The following RBFOX1 variants were observed in gnomAD, a reference collection of about 807,000 sequenced individuals.
RBFOX1 encodes the protein RNA binding protein fox-1 homolog 1.
In RBFOX1, 8 loss-of-function variants were observed where a neutral mutation model predicts 57.7. The observed-to-expected ratio is 0.14, with a 90% CI of 0.08 to 0.25. The LOEUF (loss-of-function observed/expected upper bound fraction) is 0.25. Ranked by LOEUF, RBFOX1 falls within the 10% of genes least tolerant of loss-of-function variation. RBFOX1 has a pLI of 1.00. For missense variants in RBFOX1, 611 were observed against 548.5 expected (o/e 1.11, Z -1.14); for synonymous variants, 326 against 222.4 (o/e 1.47, Z -4.15).
At chr16:6,082,290 C>T (rs1022438763) in intron 1 of RBFOX1, among the ~76,000 whole-genome samples, 1 of 145,582 alleles carries the variant, frequency 6.9e-6, no homozygotes, top group Non-Finnish European at 1.5e-5. Context: ...AAGCGATTCT[C>T]CTGCCTCAGC....
chr16:6,959,631 G>T (rs1382055442), intron 3 of RBFOX1, among the ~76,000 whole-genome samples: 14 of 152,126 alleles, frequency 9.2e-5, no homozygotes, highest in Admixed American at 9.2e-4. Flanking sequence ...TGACTGAGTG[G>T]TTACGTTAAA....
intron 1 of RBFOX1, among the ~76,000 whole-genome samples, chr16:5,438,162 A>G (rs1173241877): frequency 6.6e-6 from 1 of 152,212 alleles, no homozygotes; most frequent in Non-Finnish European, 1.5e-5. Context: ...CACAGGGGAT[A>G]TTAAAGAAAC....
chr16:7,013,281 C>T (rs2093738177), intron 3 of RBFOX1, among the ~76,000 whole-genome samples: 1 of 152,080 alleles, frequency 6.6e-6, no homozygotes, highest in Non-Finnish European at 1.5e-5. Context: ...TGAGGTAATT[C>T]AATGAAGTAA....
chr16:6,318,046 G>C (rs939985598), intron 2 of RBFOX1, among the ~76,000 whole-genome samples: 4 of 152,110 alleles, frequency 2.6e-5, no homozygotes, highest in Non-Finnish European at 5.9e-5. Flanking sequence ...CTGATCAAAG[G>C]GAATTCTTTT....
At chr16:7,588,426 A>G (rs1452180332) in intron 7 of RBFOX1, among the ~76,000 whole-genome samples, 4 of 152,234 alleles carry the variant, frequency 2.6e-5, no homozygotes. Flanking sequence ...CATGAGGCCT[A>G]TAAGCAGACA....
At chr16:6,350,603 T>A (rs911302903) in intron 2 of RBFOX1, among the ~76,000 whole-genome samples, 37 of 151,822 alleles carry the variant, frequency 2.4e-4, no homozygotes, top group African/African-American at 8.7e-4. Flanking sequence ...AACAATGGCA[T>A]CCATACATCT....
chr16:7,566,453 G>C (rs1377631998), intron 5 of RBFOX1, among the ~76,000 whole-genome samples: 2 of 152,154 alleles, frequency 1.3e-5, no homozygotes, highest in African/African-American at 2.4e-5. Flanking sequence ...ACCTTGAAAG[G>C]CCATTCAGGA....
At chr16:7,707,606 G>A (rs1022256818) in intron 14 of RBFOX1, among the ~76,000 whole-genome samples, 4 of 152,166 alleles carry the variant, frequency 2.6e-5, no homozygotes, top group African/African-American at 7.2e-5. Flanking sequence ...GTTGCTAACA[G>A]TACAGCTGTT....
chr16:6,236,907 C>G (rs1312939284), intron 1 of RBFOX1, among the ~76,000 whole-genome samples: 1 of 152,136 alleles, frequency 6.6e-6, no homozygotes, highest in Non-Finnish European at 1.5e-5. Flanking sequence ...TGCCCAAGGT[C>G]ACACAGTGGC....
intron 4 of RBFOX1, among the ~76,000 whole-genome samples, chr16:7,252,474 G>C (rs950357451): frequency 8.5e-5 from 13 of 152,128 alleles, no homozygotes; most frequent in African/African-American, 2.9e-4. Context: ...TTCATCGTCA[G>C]CACTGAAGTA....
At chr16:7,399,123 T>A (rs540017899) in intron 4 of RBFOX1, among the ~76,000 whole-genome samples, 1 of 152,248 alleles carries the variant, frequency 6.6e-6, no homozygotes, top group South Asian at 2.1e-4. Context: ...TACCCCCGAA[T>A]CCAACATGAA....
intron 1 of RBFOX1, among the ~76,000 whole-genome samples, chr16:5,419,233 G>T (rs149065051): frequency 6.6e-6 from 1 of 152,258 alleles, no homozygotes; most frequent in East Asian, 1.9e-4. Context: ...TGACTCACAC[G>T]ATCACAAGTT....
chr16:6,461,077 G>A (rs1229507218), intron 2 of RBFOX1, among the ~76,000 whole-genome samples: 1 of 152,010 alleles, frequency 6.6e-6, no homozygotes, highest in Admixed American at 6.6e-5. Flanking sequence ...CACAGAGAGG[G>A]GAACAACACT....
chr16:6,043,142 A>G (rs1169932942), intron 1 of RBFOX1, among the ~76,000 whole-genome samples: 14 of 97,728 alleles, frequency 1.4e-4, no homozygotes, highest in African/African-American at 4.3e-4. Context: ...AAAAAAAAAA[A>G]AAAAAAAAAA....
chr16:7,260,873 G>C (rs1048876735), intron 4 of RBFOX1, among the ~76,000 whole-genome samples: 1 of 152,190 alleles, frequency 6.6e-6, no homozygotes, highest in Non-Finnish European at 1.5e-5. Flanking sequence ...CTAATTAAGA[G>C]CTGGGGGAGT....
At chr16:6,508,879 A>T (rs905053471) in intron 2 of RBFOX1, among the ~76,000 whole-genome samples, 1 of 152,184 alleles carries the variant, frequency 6.6e-6, no homozygotes, top group African/African-American at 2.4e-5. Flanking sequence ...CAAAAAAAAA[A>T]AAATAAAGAT....
At chr16:5,394,565 C>CTTTT (rs35758196) in intron 1 of RBFOX1, among the ~76,000 whole-genome samples, 1 of 134,270 alleles carries the variant, frequency 7.4e-6, no homozygotes, top group African/African-American at 2.8e-5. Flanking sequence ...TTCTTTCTGT[C>CTTTT]TTTTTTTTTT....
Position 6,447,318 on chromosome 16 carries a change from G to A in RBFOX1, c.-64+130261G>A, listed in dbSNP as rs192003587. ...TGGAAATGCCATCTTGTTAGCTACCGGATAATTTAGTAATCATGGCCTAAC... is the reference window on the plus strand; with the variant it reads ...TGGAAATGCCATCTTGTTAGCTACCAGATAATTTAGTAATCATGGCCTAAC... On this transcript the variant is annotated intron_variant, in intron 2 of 15. Coordinates refer to ENST00000550418, the MANE Select transcript of RBFOX1 (RefSeq NM_018723.4). Among the ~76,000 whole-genome samples the A allele has an allele frequency of 4.6e-5, 7 of 152,214 alleles. No homozygotes were observed. In the East Asian group the frequency reaches 9.7e-4, roughly 21 times the overall value.
intron 5 of RBFOX1, among the ~76,000 whole-genome samples, chr16:7,557,660 AG>A (rs2089084541): frequency 6.7e-6 from 1 of 149,742 alleles, no homozygotes; most frequent in African/African-American, 2.5e-5. Flanking sequence ...AAAAAAAAAA[AG>A]CATTTTCTTA....
Sources: gnomAD v4.1 joint callset for allele counts (sites outside exome capture counted in the v4.1 genomes callset) on GRCh38, gnomAD v4.1.1 for gene constraint, MANE v1.5 for transcripts, NCBI Gene and HGNC (gene_info 2026-07-23, HGNC 2026-07-21) for gene names.